Variants in ESR1 observed in about 807,000 individuals in gnomAD.
The protein encoded by ESR1 is estrogen receptor.
In ESR1, 12 loss-of-function variants were observed where a neutral mutation model predicts 52.7. The ratio of observed to expected loss-of-function variants is 0.23; its 90% CI spans 0.15 to 0.37. The LOEUF is 0.37. Among genes scored for constraint, ESR1 ranks in the 10% least tolerant of loss-of-function variants. The pLI is 1.00. For synonymous variants in ESR1, 305 were observed against 316.8 expected, an observed-to-expected ratio of 0.96 and a Z score of 0.39; for missense variants, 584 against 779.7, an observed-to-expected ratio of 0.75 and a Z score of 2.99.
chr6:151,719,137 A>G (rs1392646857), intron 2 of ESR1, among the ~76,000 whole-genome samples: 1 of 152,180 alleles, frequency 6.6e-6, no homozygotes, highest in Non-Finnish European at 1.5e-5. Flanking sequence ...GCTCGGCTCC[A>G]TCAGTAAACA....
intron 3 of ESR1, among the ~76,000 whole-genome samples, chr6:151,908,137 G>A (rs1033158499): frequency 6.6e-5 from 10 of 151,766 alleles, no homozygotes; most frequent in Admixed American, 3.3e-4. Flanking sequence ...TACATGAATC[G>A]TTTATGAATA....
chr6:151,659,342 G>C (rs1777560599), intron 1 of ESR1, among the ~76,000 whole-genome samples: 1 of 152,224 alleles, frequency 6.6e-6, no homozygotes, highest in South Asian at 2.1e-4. Flanking sequence ...CATTAGAGGA[G>C]ATGACTAGTC....
At chr6:151,747,788 A>T (rs926267693) in intron 2 of ESR1, among the ~76,000 whole-genome samples, 2 of 152,184 alleles carry the variant, frequency 1.3e-5, no homozygotes, top group Non-Finnish European at 2.9e-5. Flanking sequence ...TTCAAGGGTC[A>T]TTTATATTGC....
intron 2 of ESR1, among the ~76,000 whole-genome samples, chr6:151,760,898 TAAAA>T (rs1257618275): frequency 2.0e-5 from 3 of 152,260 alleles, no homozygotes; most frequent in Non-Finnish European, 4.4e-5. Context: ...TATTAAAAGA[TAAAA>T]AACTCTATGA....
At chr6:151,918,341 T>A (rs1195544176) in intron 3 of ESR1, among the ~76,000 whole-genome samples, 1 of 152,198 alleles carries the variant, frequency 6.6e-6, no homozygotes, top group Admixed American at 6.5e-5. Context: ...AGGGTATGAT[T>A]GAGTTCTAAT....
At chr6:152,012,377 T>A (rs1584803808) in intron 5 of ESR1, among the ~76,000 whole-genome samples, 1 of 150,956 alleles carries the variant, frequency 6.6e-6, no homozygotes, top group South Asian at 2.1e-4. Flanking sequence ...TTGCTTAGAG[T>A]CATAGAATTT....
intron 2 of ESR1, among the ~76,000 whole-genome samples, chr6:151,870,676 G>A (rs1790786312): frequency 1.3e-5 from 2 of 152,186 alleles, no homozygotes; most frequent in Non-Finnish European, 2.9e-5. Flanking sequence ...ATTAGATGAG[G>A]CAAAATGCTG....
At chr6:151,941,186 A>G (rs1179420510) in intron 3 of ESR1, among the ~76,000 whole-genome samples, 1 of 152,216 alleles carries the variant, frequency 6.6e-6, no homozygotes, top group African/African-American at 2.4e-5. Context: ...AGGAAAAACA[A>G]TATCACCTTC....
intron 5 of ESR1, among the ~76,000 whole-genome samples, chr6:152,049,709 G>GAC (rs1011260602): frequency 3.3e-5 from 5 of 152,132 alleles, no homozygotes; most frequent in African/African-American, 1.2e-4. Context: ...GAGGGAGGAA[G>GAC]AGAGAGTGAG....
intron 3 of ESR1, among the ~76,000 whole-genome samples, chr6:151,889,814 T>C (rs1285714506): frequency 6.6e-6 from 1 of 152,208 alleles, no homozygotes; most frequent in African/African-American, 2.4e-5. Flanking sequence ...GAAAATACTC[T>C]TGCTGCATCC....
At chr6:151,768,040 T>C (rs1322855570) in intron 2 of ESR1, among the ~76,000 whole-genome samples, 5 of 152,196 alleles carry the variant, frequency 3.3e-5, no homozygotes, top group African/African-American at 1.2e-4. Flanking sequence ...GCAATAATTA[T>C]TTGAAGCAAG....
At chr6:151,721,331 T>C (rs534771434) in intron 2 of ESR1, among the ~76,000 whole-genome samples, 6 of 152,102 alleles carry the variant, frequency 3.9e-5, no homozygotes, top group East Asian at 1.9e-4. Flanking sequence ...TCTGGAGAGA[T>C]TGGGAGTACA....
chr6:151,841,801 A>C (rs1784333841), intron 1 of ESR1, among the ~76,000 whole-genome samples: 1 of 151,866 alleles, frequency 6.6e-6, no homozygotes, highest in African/African-American at 2.4e-5. Flanking sequence ...CAGCCTCGAC[A>C]TCCTAGGCTC....
chr6:151,675,564 CA>C (rs928927567), intron 1 of ESR1, among the ~76,000 whole-genome samples: 2 of 151,992 alleles, frequency 1.3e-5, no homozygotes, highest in African/African-American at 4.8e-5. Context: ...ATCAGTGTTA[CA>C]AAAATGGTCA....
In ESR1 at chr6:151,832,484, C is replaced by T. The variant is rs572387689; in HGVS notation, c.453-10113C>T. Among the ~76,000 whole-genome samples the T allele has an allele frequency of 3.9e-5, 6 of 152,306 alleles. No individual in the cohort carries two copies. In the South Asian group the frequency reaches 1.2e-3, roughly 32 times the overall value. ...TGTTATGGTCACAGACACAAACTGC[C>T]TCCAACTTCTGTCCATCCATAGTGA... On this transcript the variant is annotated intron_variant, in intron 1 of 7. Coordinates refer to ENST00000206249, the MANE Select transcript of ESR1 (RefSeq NM_000125.4).
At chr6:151,971,505 C>T (rs977702250) in intron 4 of ESR1, among the ~76,000 whole-genome samples, 3 of 151,988 alleles carry the variant, frequency 2.0e-5, no homozygotes, top group Non-Finnish European at 2.9e-5. Context: ...CATCCAGAAC[C>T]CTCAAAACCA....
intron 1 of ESR1, among the ~76,000 whole-genome samples, chr6:151,820,124 T>C (rs1354729419): frequency 1.3e-5 from 2 of 152,128 alleles, no homozygotes; most frequent in Non-Finnish European, 2.9e-5. Flanking sequence ...TCCATTGATA[T>C]GGAGGTCAAA....
At chr6:151,767,145 C>A (rs1451591800) in intron 2 of ESR1, among the ~76,000 whole-genome samples, 1 of 152,050 alleles carries the variant, frequency 6.6e-6, no homozygotes, top group Non-Finnish European at 1.5e-5. Flanking sequence ...TAGCAATTGC[C>A]CCAAATTCAG....
At chr6:152,127,167 C>T (rs2053751677) in exon 7 of ESR1, 1 of 152,078 alleles carries the variant, frequency 6.6e-6, no homozygotes. Context: ...GGCCTCAGCT[C>T]TAAAACCATT....
Sources: allele counts gnomAD v4.1 joint callset (sites outside exome capture counted in the v4.1 genomes callset), GRCh38; gene constraint gnomAD v4.1.1; transcripts MANE v1.5; gene names NCBI Gene and HGNC (gene_info 2026-07-23, HGNC 2026-07-21).